PDE5A: variants seen among roughly 807,000 people sequenced by gnomAD.
The protein encoded by PDE5A is phosphodiesterase 5A.
In PDE5A, 67 loss-of-function variants were observed where a neutral mutation model predicts 110.2. The ratio of observed to expected loss-of-function variants is 0.61; its 90% CI spans 0.50 to 0.75. PDE5A has a LOEUF of 0.75. Ranked by LOEUF, PDE5A falls within the 30% of genes least tolerant of loss-of-function variation. The pLI is 0.00. For missense variants in PDE5A, 862 were observed against 1,045.1 expected (o/e 0.82, Z 2.42); for synonymous variants, 328 against 351.2 (o/e 0.93, Z 0.74).
intron 2 of PDE5A, among the ~76,000 whole-genome samples, chr4:119,601,896 A>G (rs963013452): frequency 2.6e-5 from 4 of 152,180 alleles, no homozygotes; most frequent in African/African-American, 9.7e-5. Context: ...ACATTCTACA[A>G]AATAACAGGC....
Position 119,627,203 on chromosome 4 carries a change from C to T in PDE5A, c.152+1317G>A. ...CAAACGTGGGAAGTTCGTTTTCGAA[C>T]TCCGCCGATCCTGGACTCCAGGAGG... is the stretch of plus-strand genomic sequence containing the variant. On this transcript the variant is annotated intron_variant, in intron 1 of 20. Transcript: ENST00000354960. This position sits in a 1 kb window ranked among gnomAD's most constrained non-coding sequence, Gnocchi z 4.6. 6.2e-7 allele frequency: 1 copy of T among 1,612,558 alleles called. No individual in the cohort carries two copies. Among genetic ancestry groups the T allele is most frequent in the Non-Finnish European group, 8.5e-7 (1 of 1,179,140 alleles).
chr4:119,542,243 G>T lies in PDE5A; in HGVS notation c.1572+216C>A, dbSNP rs1726956613. 2.6e-5 allele frequency among the ~76,000 whole-genome samples: 4 copies of T among 152,076 alleles called. No individual in the cohort carries two copies. In the South Asian group the frequency reaches 8.3e-4, roughly 32 times the overall value. On this transcript the variant is annotated intron_variant, in intron 10 of 20. Coordinates refer to ENST00000354960, the MANE Select transcript of PDE5A (RefSeq NM_001083.4). ...AAAGGGATAAACATCCTGAGTTGTG[G>T]TTTGGTTATATGACATTTGACAAGT...
chr4:119,501,428 A>C (rs527780495), intron 19 of PDE5A, among the ~76,000 whole-genome samples, 175 bp from the exon 20 acceptor site: 53 of 152,272 alleles, frequency 3.5e-4, no homozygotes, highest in African/African-American at 1.3e-3. Flanking sequence ...CTCCTGCCTC[A>C]GCCTCCCTAG....
rs1472628384 is a variant in PDE5A, at chr4:119,628,537, A to G, written c.135T>C (p.Phe45=). The change falls in exon 1 of 21, where the codon TTT becomes TTC. Residue 45 remains phenylalanine, a synonymous_variant. Transcript: ENST00000354960. ...DDHWDFTFSY[F]VRKATREMVN... ...CTTCTTACCTGGTGGCTTTTCTAAC[A>G]AAGTATGAGAAGGTAAAGTCCCAGT... 2 of 1,585,264 alleles carry G rather than the reference A, an allele frequency of 1.3e-6. No homozygotes were observed. The highest frequency in any genetic ancestry group is 2.3e-5 in the East Asian group (1 of 44,208).
At chr4:119,585,562 C>A (rs1728731526) in intron 3 of PDE5A, among the ~76,000 whole-genome samples, 1 of 152,048 alleles carries the variant, frequency 6.6e-6, no homozygotes, top group African/African-American at 2.4e-5. Context: ...CCTCTTTTAT[C>A]CTCTGGCTAG....
chr4:119,594,038 G>A (rs537746211), intron 3 of PDE5A, among the ~76,000 whole-genome samples: 113 of 152,282 alleles, frequency 7.4e-4, no homozygotes, highest in African/African-American at 2.7e-3. Flanking sequence ...CCCTTGATAC[G>A]TAGGGATTAT....
chr4:119,585,898 A>G (rs1728747470), intron 3 of PDE5A, among the ~76,000 whole-genome samples: 1 of 152,194 alleles, frequency 6.6e-6, no homozygotes, highest in Non-Finnish European at 1.5e-5. Context: ...AAGGACACTG[A>G]GCAACTTATG....
At chr4:119,520,098 T>G (rs1390083425) in intron 13 of PDE5A, among the ~76,000 whole-genome samples, 1 of 152,134 alleles carries the variant, frequency 6.6e-6, no homozygotes, top group Non-Finnish European at 1.5e-5. Flanking sequence ...CTACACGTGT[T>G]TGCTAAGGTA....
intron 2 of PDE5A, among the ~76,000 whole-genome samples, chr4:119,597,922 T>G (rs60421281): frequency 0.017 from 2,572 of 152,054 alleles, 69 homozygotes; most frequent in African/African-American, 0.058. Context: ...ACTACTACAT[T>G]TTTGCTTTTT....
intron 3 of PDE5A, among the ~76,000 whole-genome samples, chr4:119,571,998 TTAACTA>T (rs1472595055): frequency 2.0e-5 from 3 of 152,208 alleles, no homozygotes; most frequent in Non-Finnish European, 4.4e-5. Flanking sequence ...CACTCTCAAC[TTAACTA>T]TATCACTTAC....
In PDE5A at chr4:119,628,653, T is replaced by C. The variant is rs772347394; in HGVS notation, c.19A>G (p.Ser7Gly). The C allele has an allele frequency of 1.2e-6, 2 of 1,613,422 alleles. No homozygotes were observed. The highest frequency in any genetic ancestry group is 2.7e-5 in the African/African-American group (2 of 75,066). Residue 7 changes from serine to glycine, a missense_variant, in exon 1 of 21, where the codon AGC becomes GGC. Coordinates refer to ENST00000354960, the MANE Select transcript of PDE5A (RefSeq NM_001083.4). ...TGCTGCTGTCGCTGCTGCCCGAAGC[T>C]GGGGCCGGCCCGCTCCATGGTTGGC... MERAGP[S>G]FGQQRQQQQP...
intron 1 of PDE5A, among the ~76,000 whole-genome samples, chr4:119,615,679 A>C (rs539308182): frequency 6.6e-6 from 1 of 152,134 alleles, no homozygotes; most frequent in African/African-American, 2.4e-5. Context: ...CTGAGCAAAA[A>C]CAACAAAACA....
At chr4:119,571,076 T>A (rs1411379283) in intron 3 of PDE5A, among the ~76,000 whole-genome samples, 1 of 152,192 alleles carries the variant, frequency 6.6e-6, no homozygotes, top group Non-Finnish European at 1.5e-5. Flanking sequence ...TAATCAGTGT[T>A]AGGCTTGGGA....
intron 14 of PDE5A, among the ~76,000 whole-genome samples, chr4:119,511,463 T>A (rs1725741427): frequency 6.6e-6 from 1 of 152,230 alleles, no homozygotes; most frequent in African/African-American, 2.4e-5. Context: ...CTGAAATAGT[T>A]GTACCAATTA....
intron 3 of PDE5A, among the ~76,000 whole-genome samples, chr4:119,590,822 G>C (rs1170636859): frequency 6.6e-6 from 1 of 152,158 alleles, no homozygotes; most frequent in Non-Finnish European, 1.5e-5. Flanking sequence ...GTATTCAGCA[G>C]TCAACTACTC....
chr4:119,511,055 T>C lies in PDE5A; in HGVS notation c.2080A>G (p.Asn694Asp). 6.3e-7 allele frequency: 1 copy of C among 1,587,672 alleles called. No individual in the cohort carries two copies. The change falls in exon 15 of 21, where the codon AAT becomes GAT. Residue 694 changes from asparagine (N) to aspartate (D), a missense_variant. Physicochemically the swap from Asn to Asp is conservative, Grantham distance 23. Transcript: ENST00000354960. Reference sequence around the variant, plus strand: ...ATAAATTAGGTACTTACTGGACTATTAAGAATCATCAGGCACTGGTCAAAA... The same window carrying C: ...ATAAATTAGGTACTTACTGGACTATCAAGAATCATCAGGCACTGGTCAAAA... ...HHFDQCLMIL[N>D]SPGNQILSGL...
chr4:119,552,514 A>C, intron 9 of PDE5A, 36 bp downstream of exon 9: 1 of 781,838 alleles, frequency 1.3e-6, no homozygotes, highest in Non-Finnish European at 1.9e-6. Context: ...ATTTTTAAAA[A>C]TAAGTTTAGA....
intron 3 of PDE5A, among the ~76,000 whole-genome samples, chr4:119,575,550 G>C (rs1464978630): frequency 1.3e-5 from 2 of 152,124 alleles, no homozygotes; most frequent in South Asian, 4.1e-4. Context: ...TTAAAGAAAA[G>C]AATTTTCAAC....
At chr4:119,581,997 G>T (rs1280747580) in intron 3 of PDE5A, among the ~76,000 whole-genome samples, 1 of 152,198 alleles carries the variant, frequency 6.6e-6, no homozygotes, top group African/African-American at 2.4e-5. Flanking sequence ...GATCAGGGTG[G>T]TGGTTGCTGA....
Sources: allele counts gnomAD v4.1 joint callset (sites outside exome capture counted in the v4.1 genomes callset), GRCh38; gene constraint gnomAD v4.1.1; non-coding constraint Gnocchi (gnomAD v3.1); transcripts MANE v1.5; gene names NCBI Gene and HGNC (gene_info 2026-07-23, HGNC 2026-07-21).